GATAD2B: variants seen among roughly 807,000 people sequenced by gnomAD.
GATAD2B encodes the protein transcriptional repressor p66-beta.
A neutral mutation model predicts 64.3 loss-of-function variants in GATAD2B; 8 were observed. The ratio of observed to expected loss-of-function variants is 0.12; its 90% CI spans 0.07 to 0.22. GATAD2B has a LOEUF of 0.22. GATAD2B is among the 10% of genes least tolerant of loss of function. GATAD2B has a pLI of 1.00. For missense variants in GATAD2B, 453 were observed against 752.0 expected, an observed-to-expected ratio of 0.60 and a Z score of 4.65; for synonymous variants, 281 against 271.3, an observed-to-expected ratio of 1.04 and a Z score of -0.35.
At chr1:153,853,373 T>C (rs944669318) in intron 1 of GATAD2B, 12 of 688,306 alleles carry the variant, frequency 1.7e-5, no homozygotes, top group Non-Finnish European at 3.2e-5. Flanking sequence ...ACCACCCGAG[T>C]CATCACACTC....
At chr1:153,868,436 G>A (rs1052042813) in intron 1 of GATAD2B, among the ~76,000 whole-genome samples, 1 of 145,822 alleles carries the variant, frequency 6.9e-6, no homozygotes, top group African/African-American at 2.5e-5. Context: ...GTGCAGTGAT[G>A]TTGTTCTAGT....
At chr1:153,868,215 A>G (rs1171958157) in intron 1 of GATAD2B, among the ~76,000 whole-genome samples, 4 of 152,174 alleles carry the variant, frequency 2.6e-5, no homozygotes, top group Non-Finnish European at 5.9e-5. Context: ...AAAAAAATAA[A>G]TAAATAAAAG....
intron 1 of GATAD2B, among the ~76,000 whole-genome samples, chr1:153,879,450 G>C (rs1271129315): frequency 6.6e-6 from 1 of 152,044 alleles, no homozygotes; most frequent in African/African-American, 2.4e-5. Context: ...ACACCTAGGA[G>C]GCACATAAAG....
At chr1:153,839,140 T>TAAAAAA (rs1675384893) in intron 1 of GATAD2B, among the ~76,000 whole-genome samples, 1 of 119,512 alleles carries the variant, frequency 8.4e-6, no homozygotes, top group African/African-American at 3.4e-5. Flanking sequence ...AAAAAGAAAG[T>TAAAAAA]TTAAGGAAGA....
chr1:153,845,405 AT>A (rs201493993), intron 1 of GATAD2B, among the ~76,000 whole-genome samples: 3,867 of 149,522 alleles, frequency 0.026, 160 homozygotes, highest in African/African-American at 0.088. Context: ...AAAAAAAAAA[AT>A]TCCAGCCTAT....
intron 5 of GATAD2B, 133 bp downstream of exon 5, chr1:153,817,907 G>A (rs1462413554): frequency 2.7e-6 from 2 of 736,370 alleles, no homozygotes; most frequent in Admixed American, 2.7e-5. Context: ...GCCATAATGG[G>A]CCAACAGAAC....
intron 7 of GATAD2B, among the ~76,000 whole-genome samples, chr1:153,814,350 A>T (rs997960954): frequency 6.6e-6 from 1 of 152,202 alleles, no homozygotes; most frequent in South Asian, 2.1e-4. Flanking sequence ...ATGGTTTAGT[A>T]TTGGTTTACA....
chr1:153,867,492 G>GAGCA (rs1676516934), intron 1 of GATAD2B, among the ~76,000 whole-genome samples: 2 of 152,098 alleles, frequency 1.3e-5, no homozygotes, highest in South Asian at 4.2e-4. Flanking sequence ...TTGGGTGACA[G>GAGCA]AGCAAGACCC....
intron 1 of GATAD2B, among the ~76,000 whole-genome samples, chr1:153,904,171 T>C (rs1227103456): frequency 1.3e-5 from 2 of 151,862 alleles, no homozygotes; most frequent in African/African-American, 2.4e-5. Flanking sequence ...TCCCAGCTAC[T>C]TGGAAGGCTG....
intron 1 of GATAD2B, among the ~76,000 whole-genome samples, chr1:153,839,003 G>C (rs1488198596): frequency 6.6e-6 from 1 of 150,944 alleles, no homozygotes; most frequent in Admixed American, 6.7e-5. Flanking sequence ...CAGCTACTCA[G>C]GTGGCTGAGG....
rs758188108 is a variant in GATAD2B, at chr1:153,812,145, A to T, written c.1420-13T>A. ...GCTGTTCAATTTCCTGTTGGGAGTC[A>T]TCACATCAGGTGATTGAGCAGGACA... On this transcript the variant is annotated splice_polypyrimidine_tract_variant and intron_variant, in intron 8 of 10. Coordinates refer to ENST00000368655, the MANE Select transcript of GATAD2B (RefSeq NM_020699.4). The T allele has an allele frequency of 6.8e-7, 1 of 1,468,164 alleles. No individual in the cohort carries two copies. The allele number at this position is 1,468,164 out of a possible 1,614,324, so 90.9% of individuals were successfully genotyped here.
chr1:153,914,918 C>T (rs561978147), intron 1 of GATAD2B, among the ~76,000 whole-genome samples: 1 of 151,528 alleles, frequency 6.6e-6, no homozygotes, highest in East Asian at 2.0e-4. Flanking sequence ...CAGAGCAAGG[C>T]TGTGTTTCAA....
chr1:153,811,484 G>T (rs1286063893), intron 10 of GATAD2B: 10 of 549,850 alleles, frequency 1.8e-5, no homozygotes, highest in Non-Finnish European at 3.2e-5. Flanking sequence ...GTCTACTGAA[G>T]GGATATTAAA....
At chr1:153,824,436 G>A (rs1245787549) in intron 2 of GATAD2B, among the ~76,000 whole-genome samples, 5 of 151,872 alleles carry the variant, frequency 3.3e-5, no homozygotes, top group South Asian at 2.1e-4. Context: ...GAGACCATCT[G>A]GCCAACATGG....
At chr1:153,908,571 C>T (rs1442214799) in intron 1 of GATAD2B, among the ~76,000 whole-genome samples, 3 of 151,410 alleles carry the variant, frequency 2.0e-5, no homozygotes, top group Admixed American at 6.6e-5. Flanking sequence ...CGGGTTCCAG[C>T]GATTCTCCTG....
intron 1 of GATAD2B, among the ~76,000 whole-genome samples, chr1:153,850,885 C>T (rs1435273920): frequency 1.3e-5 from 2 of 151,352 alleles, no homozygotes; most frequent in Non-Finnish European, 2.9e-5. Flanking sequence ...CGCGCCACTA[C>T]ACTACAGCCT....
At chr1:153,871,199 TG>T (rs1676655252) in intron 1 of GATAD2B, among the ~76,000 whole-genome samples, 1 of 152,188 alleles carries the variant, frequency 6.6e-6, no homozygotes, top group African/African-American at 2.4e-5. Context: ...CCCAAGTAGC[TG>T]GGACTACAGG....
intron 1 of GATAD2B, among the ~76,000 whole-genome samples, chr1:153,838,496 G>A (rs905888936): frequency 6.6e-6 from 1 of 151,702 alleles, no homozygotes; most frequent in African/African-American, 2.4e-5. Context: ...AAAGAGACGC[G>A]CCCTGCCTCT....
intron 6 of GATAD2B, 49 bp downstream of exon 6, chr1:153,817,323 A>C: frequency 6.9e-7 from 1 of 1,451,414 alleles, no homozygotes; most frequent in Non-Finnish European, 9.1e-7. Flanking sequence ...CAAGCAAAGC[A>C]AACAAAGGGA....
Sources: allele counts gnomAD v4.1 joint callset (sites outside exome capture counted in the v4.1 genomes callset), GRCh38; gene constraint gnomAD v4.1.1; transcripts MANE v1.5; gene names NCBI Gene and HGNC (gene_info 2026-07-23, HGNC 2026-07-21).